Variants in AKT2 observed in about 807,000 individuals in gnomAD.
AKT2 encodes AKT serine/threonine kinase 2.
In AKT2, 16 loss-of-function variants were observed where a neutral mutation model predicts 58.6. The observed-to-expected ratio is 0.27, with a 90% CI of 0.18 to 0.41. The LOEUF is 0.41. Ranked by LOEUF, AKT2 falls within the 10% of genes least tolerant of loss-of-function variation. The pLI, the probability that AKT2 is intolerant of heterozygous loss-of-function variation, is 1.00. For synonymous variants in AKT2, 253 were observed against 254.0 expected (o/e 1.00, Z 0.04); for missense variants, 438 against 661.0 (o/e 0.66, Z 3.70).
chr19:40,246,677 G>A (rs1974773229), intron 4 of AKT2, among the ~76,000 whole-genome samples: 1 of 152,242 alleles, frequency 6.6e-6, no homozygotes, highest in African/African-American at 2.4e-5. Context: ...CAGGGGTGGA[G>A]AGAACACAGA....
intron 2 of AKT2, among the ~76,000 whole-genome samples, chr19:40,264,617 T>C (rs1976205199): frequency 6.6e-6 from 1 of 152,052 alleles, no homozygotes; most frequent in South Asian, 2.1e-4. Context: ...GTCCTTGCTG[T>C]CCCTCTCCCT....
In AKT2 at chr19:40,242,986, A is replaced by G; in HGVS notation, c.288-299T>C. On this transcript the variant is annotated intron_variant, in intron 4 of 13. Transcript: ENST00000392038. This position sits in a 1 kb window ranked among gnomAD's most constrained non-coding sequence, Gnocchi z 4.3. Reference sequence around the variant, plus strand: ...ACATGGTGAAACCCCGTCTCTACTAAAAATACAAAAATTAGTCAGGGGTGG... The same window carrying G: ...ACATGGTGAAACCCCGTCTCTACTAGAAATACAAAAATTAGTCAGGGGTGG... The G allele has an allele frequency of 2.6e-6, 1 of 379,006 alleles. No individual in the cohort carries two copies. The highest frequency in any genetic ancestry group is 5.1e-6 in the Non-Finnish European group (1 of 195,812). 23.5% of individuals were successfully genotyped at this position (379,006 alleles called of 1,614,324 possible).
intron 4 of AKT2, among the ~76,000 whole-genome samples, chr19:40,250,050 G>A (rs1464587924): frequency 6.6e-6 from 1 of 152,222 alleles, no homozygotes; most frequent in Non-Finnish European, 1.5e-5. Flanking sequence ...GGAACAGCAA[G>A]GAGACACGTG....
chr19:40,260,918 G>C (rs1975903155), intron 2 of AKT2, among the ~76,000 whole-genome samples: 1 of 152,158 alleles, frequency 6.6e-6, no homozygotes, highest in South Asian at 2.1e-4. Flanking sequence ...TCCCACCACT[G>C]CACTGCAGCC....
At chr19:40,273,071 C>T (rs1043094624) in intron 1 of AKT2, among the ~76,000 whole-genome samples, 2 of 152,158 alleles carry the variant, frequency 1.3e-5, no homozygotes, top group Admixed American at 6.6e-5. Flanking sequence ...TGGCCAGGCG[C>T]GGTGGCTCAT....
Position 40,238,222 on chromosome 19 carries a change from G to A in AKT2, c.709-131C>T. 1.6e-6 allele frequency: 2 copies of A among 1,269,290 alleles called. No homozygotes were observed. Among genetic ancestry groups the A allele is most frequent in the Non-Finnish European group, 2.2e-6 (2 of 912,424 alleles). 78.6% of individuals were successfully genotyped at this position (1,269,290 alleles called of 1,614,324 possible). A position where few individuals can be genotyped will look rare whatever the true frequency, so the allele number is the denominator to read the frequency against. On this transcript the variant is annotated intron_variant, in intron 8 of 13. Coordinates refer to ENST00000392038, the MANE Select transcript of AKT2 (RefSeq NM_001626.6). The surrounding 1 kb of genome is among the most constrained non-coding windows in gnomAD (Gnocchi z 5.1). ...CATGAACCAGCAAGTGACAGCTAGAGGGACCAATCAAGGCAGAGCGCAGAA... is the reference window on the plus strand; with the variant it reads ...CATGAACCAGCAAGTGACAGCTAGAAGGACCAATCAAGGCAGAGCGCAGAA...
intron 1 of AKT2, among the ~76,000 whole-genome samples, chr19:40,266,945 G>A (rs1976401555): frequency 6.6e-6 from 1 of 152,208 alleles, no homozygotes; most frequent in African/African-American, 2.4e-5. Flanking sequence ...TTAGGTGACA[G>A]AATGAGACCC....
intron 4 of AKT2, among the ~76,000 whole-genome samples, chr19:40,247,383 G>C (rs1365526856): frequency 6.6e-6 from 1 of 152,206 alleles, no homozygotes; most frequent in African/African-American, 2.4e-5. Context: ...CTGCTGTGGG[G>C]ACTGAGGCAC....
chr19:40,282,986 A>G (rs12985477), intron 1 of AKT2: 64,166 of 162,806 alleles, frequency 0.39, 14,422 homozygotes, highest in South Asian at 0.61. Flanking sequence ...ATGATTCCTC[A>G]TCTGTAAAAT....
intron 4 of AKT2, among the ~76,000 whole-genome samples, chr19:40,247,149 T>A (rs35974502): frequency 6.6e-6 from 1 of 152,168 alleles, no homozygotes; most frequent in African/African-American, 2.4e-5. Flanking sequence ...GAATTCCAGA[T>A]GAAAAGCAAG....
chr19:40,249,668 G>A (rs2145253347), intron 4 of AKT2, among the ~76,000 whole-genome samples: 1 of 152,364 alleles, frequency 6.6e-6, no homozygotes, highest in Non-Finnish European at 1.5e-5. Context: ...CCCTCCCTGT[G>A]CACAGATAGT....
At chr19:40,266,045 C>G (rs984555186) in intron 1 of AKT2, 4 of 152,890 alleles carry the variant, frequency 2.6e-5, no homozygotes, top group African/African-American at 9.6e-5. Context: ...GAAGCCAGTC[C>G]TGGGGGCTTG....
chr19:40,239,799 T>G lies in AKT2; in HGVS notation c.639+246A>C, dbSNP rs1974276137. On this transcript the variant is annotated intron_variant, in intron 7 of 13. Transcript: ENST00000392038. Reference sequence around the variant, plus strand: ...AGCAGCCAGCAAATAATGTGATATCTTCAGTTAGTTCAAATGCTTACATGA... The same window carrying G: ...AGCAGCCAGCAAATAATGTGATATCGTCAGTTAGTTCAAATGCTTACATGA... 7 of 681,890 alleles carry G rather than the reference T, an allele frequency of 1.0e-5. No individual in the cohort carries two copies. In the Middle Eastern group the frequency reaches 7.0e-4, roughly 68 times the overall value. The allele number at this position is 681,890 out of a possible 1,614,324, so 42.2% of individuals were successfully genotyped here. A position where few individuals can be genotyped will look rare whatever the true frequency, so the allele number is the denominator to read the frequency against.
chr19:40,241,750 G>T, intron 6 of AKT2, 188 bp downstream of exon 6: 1 of 858,774 alleles, frequency 1.2e-6, no homozygotes, highest in Non-Finnish European at 1.8e-6. Context: ...GGGTGGAGGT[G>T]GGGACTCAGC....
chr19:40,233,919 G>A lies in AKT2; in HGVS notation c.1399C>T (p.Arg467Trp), dbSNP rs142926499. The A allele has an allele frequency of 2.0e-4, 322 of 1,611,676 alleles. No homozygotes were observed. Among genetic ancestry groups the A allele is most frequent in the Non-Finnish European group, 2.5e-4 (296 of 1,179,948 alleles). ...DSLGLLELDQ[R>W]THFPQFSYSA... is the part of the protein sequence containing the mutation. ...TAGGAGAACTGGGGGAAGTGGGTCC[G>A]CTGGTCCAGCTCCAGTAAGCCCAGG... The change falls in exon 14 of 14, where the codon CGG (arginine) becomes TGG (tryptophan). Residue 467 changes from arginine (R) to tryptophan (W), a missense_variant. Arg to Trp is a moderately radical substitution (Grantham distance 101). Transcript: ENST00000392038. The surrounding 1 kb of genome is among the most constrained non-coding windows in gnomAD (Gnocchi z 4.3).
Position 40,231,196 on chromosome 19 carries a change from T to C in AKT2, c.*2676A>G. ...ACACATGCTCAACTACGGGGCCAGCTGCTGCAGCTGTGGGACCCCATCCTG... is the reference window on the plus strand; with the variant it reads ...ACACATGCTCAACTACGGGGCCAGCCGCTGCAGCTGTGGGACCCCATCCTG... On this transcript the variant is annotated 3_prime_UTR_variant, in exon 14 of 14. Coordinates refer to ENST00000392038, the MANE Select transcript of AKT2 (RefSeq NM_001626.6). The C allele has an allele frequency of 4.3e-6, 1 of 232,194 alleles. No homozygotes were observed. The highest frequency in any genetic ancestry group is 8.5e-6 in the Non-Finnish European group (1 of 117,374). The allele number at this position is 232,194 out of a possible 1,614,324, so 14.4% of individuals were successfully genotyped here.
rs2145207111 is a variant in AKT2 at position 40,242,493 on chromosome 19, C to T, written c.441+41G>A. The T allele has an allele frequency of 2.5e-6, 4 of 1,611,486 alleles. No homozygotes were observed. Among genetic ancestry groups the T allele is most frequent in the Non-Finnish European group, 3.4e-6 (4 of 1,179,742 alleles). On this transcript the variant is annotated intron_variant, in intron 5 of 13. Transcript: ENST00000392038. This position sits in a 1 kb window ranked among gnomAD's most constrained non-coding sequence, Gnocchi z 4.3. ...AGCAGGCCAGCACTGGGGGTGGGGG[C>T]ACCGCAGGCTGGCAGCCCCACCCCT...
At chr19:40,272,694 G>T (rs963098645) in intron 1 of AKT2, among the ~76,000 whole-genome samples, 2 of 152,246 alleles carry the variant, frequency 1.3e-5, no homozygotes, top group Non-Finnish European at 2.9e-5. Context: ...ACCTTATAGG[G>T]CATACTGTCT....
chr19:40,234,080 C>T lies in AKT2; in HGVS notation c.1367-129G>A. ...AGGACAGGACAGGAAAGGCCCATCC[C>T]TCCGCAATGGAGGCCCTCAGCCACG... On this transcript the variant is annotated intron_variant, in intron 13 of 13. Transcript: ENST00000392038. The surrounding 1 kb of genome is among the most constrained non-coding windows in gnomAD (Gnocchi z 4.7). The T allele has an allele frequency of 1.1e-6, 1 of 925,268 alleles. No homozygotes were observed. Among genetic ancestry groups the T allele is most frequent in the Non-Finnish European group, 1.6e-6 (1 of 627,088 alleles). The allele number at this position is 925,268 out of a possible 1,614,324, so 57.3% of individuals were successfully genotyped here. A position where few individuals can be genotyped will look rare whatever the true frequency, so the allele number is the denominator to read the frequency against.
Sources: allele counts gnomAD v4.1 joint callset (sites outside exome capture counted in the v4.1 genomes callset), GRCh38; gene constraint gnomAD v4.1.1; non-coding constraint Gnocchi (gnomAD v3.1); transcripts MANE v1.5; gene names NCBI Gene and HGNC (gene_info 2026-07-23, HGNC 2026-07-21).